AKAP13: variants seen among roughly 807,000 people sequenced by gnomAD.
AKAP13 encodes the protein A-kinase anchoring protein 13.
AKAP13 carries 80 observed loss-of-function variants against 264.5 expected under a neutral mutation model. The ratio of observed to expected loss-of-function variants is 0.30; its 90% CI spans 0.25 to 0.36. The LOEUF (loss-of-function observed/expected upper bound fraction) is 0.36. Among genes scored for constraint, AKAP13 ranks in the 10% least tolerant of loss-of-function variants. The probability of loss-of-function intolerance (pLI) is 1.00; values close to 1 mark genes in which losing one functional copy is unlikely to be tolerated. For synonymous variants in AKAP13, 1,380 were observed against 1,250.2 expected, an observed-to-expected ratio of 1.10 and a Z score of -2.19; for missense variants, 3,712 against 3,435.2, an observed-to-expected ratio of 1.08 and a Z score of -2.01.
intron 16 of AKAP13, 155 bp downstream of exon 16, chr15:85,685,028 G>T (rs1597051494): frequency 5.3e-6 from 5 of 944,248 alleles, no homozygotes; most frequent in Non-Finnish European, 7.6e-6. Flanking sequence ...AAAATAATAA[G>T]AAGAAAAATA....
intron 4 of AKAP13, among the ~76,000 whole-genome samples, chr15:85,538,270 C>A (rs914482958): frequency 9.2e-5 from 14 of 152,142 alleles, no homozygotes; most frequent in Admixed American, 5.2e-4. Context: ...TATTGTATAA[C>A]CAAGTGAAAA....
At chr15:85,420,650 G>T (rs2072479329) in intron 1 of AKAP13, among the ~76,000 whole-genome samples, 1 of 152,182 alleles carries the variant, frequency 6.6e-6, no homozygotes. Flanking sequence ...GGGTAAAAGT[G>T]TGGGGACCAT....
At chr15:85,409,146 A>G (rs1479733707) in intron 1 of AKAP13, among the ~76,000 whole-genome samples, 1 of 151,640 alleles carries the variant, frequency 6.6e-6, no homozygotes, top group Non-Finnish European at 1.5e-5. Flanking sequence ...ATTTGTTCAA[A>G]TCCTTTGCCT....
chr15:85,414,564 G>A (rs1035105083), intron 1 of AKAP13, among the ~76,000 whole-genome samples: 1 of 152,210 alleles, frequency 6.6e-6, no homozygotes, highest in Non-Finnish European at 1.5e-5. Flanking sequence ...AATACATATG[G>A]TATAGGTACA....
At chr15:85,529,169 C>T (rs992883759) in intron 3 of AKAP13, among the ~76,000 whole-genome samples, 1 of 152,134 alleles carries the variant, frequency 6.6e-6, no homozygotes, top group Admixed American at 6.5e-5. Flanking sequence ...AAGGTGTAAT[C>T]CCAGCATTTT....
At chr15:85,440,687 A>G (rs941221050) in intron 1 of AKAP13, among the ~76,000 whole-genome samples, 6 of 152,208 alleles carry the variant, frequency 3.9e-5, no homozygotes, top group African/African-American at 1.4e-4. Context: ...CGTTGCATCA[A>G]GTTCTCTTAC....
At position 85,740,295 on chromosome 15, in the gene AKAP13, C is replaced by T. The variant is rs112765622; in HGVS notation, c.7608+23C>T. 244 of 1,613,162 alleles carry T rather than the reference C, an allele frequency of 1.5e-4. 1 individual carries two copies. The African/African-American group carries it at 2.9e-3, about 19-fold the overall frequency. ...CAGGTGCGTGCCTTCATCTTCCATC[C>T]CTGCGTTTATTTGTCTAGAGAACAG... On this transcript the variant is annotated intron_variant, in intron 34 of 36. Transcript: ENST00000394518.
intron 8 of AKAP13, among the ~76,000 whole-genome samples, chr15:85,635,500 T>C (rs1023749101): frequency 3.3e-5 from 5 of 152,176 alleles, no homozygotes; most frequent in Non-Finnish European, 5.9e-5. Context: ...AATATTTTCC[T>C]TCAGTTTTTA....
intron 8 of AKAP13, among the ~76,000 whole-genome samples, chr15:85,630,615 T>TA (rs1211596450): frequency 7.2e-5 from 11 of 152,196 alleles, no homozygotes; most frequent in Admixed American, 1.3e-4. Context: ...ACACAGTTTT[T>TA]AAAAAATAGA....
At chr15:85,409,677 C>T (rs902713541) in intron 1 of AKAP13, among the ~76,000 whole-genome samples, 5 of 143,642 alleles carry the variant, frequency 3.5e-5, no homozygotes, top group Admixed American at 7.0e-5. Context: ...GTCGCCCAGG[C>T]TGGAGTGCAG....
At chr15:85,590,762 A>G (rs540666237) in intron 8 of AKAP13, among the ~76,000 whole-genome samples, 2 of 152,260 alleles carry the variant, frequency 1.3e-5, no homozygotes, top group East Asian at 1.9e-4. Flanking sequence ...AATATTCATC[A>G]TTACCTCCAC....
intron 5 of AKAP13, among the ~76,000 whole-genome samples, chr15:85,556,254 G>A (rs58237059): frequency 0.016 from 2,407 of 152,144 alleles, 64 homozygotes; most frequent in African/African-American, 0.055. Flanking sequence ...TTTTATTATC[G>A]CTATCAAATA....
intron 1 of AKAP13, among the ~76,000 whole-genome samples, chr15:85,455,643 G>A (rs1238409206): frequency 6.6e-6 from 1 of 151,974 alleles, no homozygotes; most frequent in Non-Finnish European, 1.5e-5. Context: ...CCAATCCCTT[G>A]GATGATAAAA....
intron 14 of AKAP13, among the ~76,000 whole-genome samples, chr15:85,677,327 C>T (rs1431570701): frequency 6.6e-6 from 1 of 152,172 alleles, no homozygotes; most frequent in East Asian, 1.9e-4. Context: ...GATTCCAGGG[C>T]ACAAGATAAT....
chr15:85,392,151 G>C (rs932255268), intron 1 of AKAP13, among the ~76,000 whole-genome samples: 1 of 151,296 alleles, frequency 6.6e-6, no homozygotes, highest in Non-Finnish European at 1.5e-5. Flanking sequence ...TGAGTTTCTA[G>C]GGTAGTGGGT....
chr15:85,522,901 C>A (rs911177866), intron 3 of AKAP13, among the ~76,000 whole-genome samples: 2 of 147,194 alleles, frequency 1.4e-5, no homozygotes, highest in Non-Finnish European at 3.0e-5. Flanking sequence ...AGGTCAGATA[C>A]CAGCCACCCC....
chr15:85,456,805 A>G (rs8024200), intron 1 of AKAP13, among the ~76,000 whole-genome samples: 83,012 of 151,900 alleles, frequency 0.55, 23,515 homozygotes, highest in African/African-American at 0.66. Flanking sequence ...GCTCATGTTG[A>G]CAGCTTTTCT....
chr15:85,454,222 G>A (rs1392302450), intron 1 of AKAP13, among the ~76,000 whole-genome samples: 1 of 152,192 alleles, frequency 6.6e-6, no homozygotes, highest in Non-Finnish European at 1.5e-5. Context: ...ACTTTTGCCA[G>A]AAAGCCCAAG....
chr15:85,642,046 A>T (rs527742771), intron 9 of AKAP13, among the ~76,000 whole-genome samples: 3 of 152,246 alleles, frequency 2.0e-5, no homozygotes, highest in Non-Finnish European at 4.4e-5. Context: ...AGACAGATTT[A>T]CATATGGGTC....
Sources: allele counts gnomAD v4.1 joint callset (sites outside exome capture counted in the v4.1 genomes callset), GRCh38; gene constraint gnomAD v4.1.1; transcripts MANE v1.5; gene names NCBI Gene and HGNC (gene_info 2026-07-23, HGNC 2026-07-21).